PLPPR5: variants seen among roughly 807,000 people sequenced by gnomAD.
The protein encoded by PLPPR5 is phospholipid phosphatase-related protein type 5.
In PLPPR5, 16 loss-of-function variants were observed where a neutral mutation model predicts 33.9. The ratio of observed to expected loss-of-function variants is 0.47; its 90% CI spans 0.32 to 0.72. PLPPR5 has a LOEUF of 0.72. Ranked by LOEUF, PLPPR5 falls within the 30% of genes least tolerant of loss-of-function variation. PLPPR5 has a pLI of 0.03. For missense variants in PLPPR5, 301 were observed against 406.7 expected (o/e 0.74, Z 2.23); for synonymous variants, 163 against 150.3 (o/e 1.08, Z -0.62).
At chr1:98,994,170 G>C (rs1652550560) in intron 1 of PLPPR5, among the ~76,000 whole-genome samples, 1 of 151,692 alleles carries the variant, frequency 6.6e-6, no homozygotes, top group Non-Finnish European at 1.5e-5. Context: ...TATTTGTCTG[G>C]AGAAAGGAAG....
chr1:98,986,725 C>A (rs1467364582), intron 1 of PLPPR5, among the ~76,000 whole-genome samples: 6 of 151,774 alleles, frequency 4.0e-5, no homozygotes, highest in Admixed American at 1.3e-4. Flanking sequence ...GAAGGTAACT[C>A]TTTATGTTTT....
At chr1:98,993,923 A>T (rs992710592) in intron 1 of PLPPR5, among the ~76,000 whole-genome samples, 1 of 152,068 alleles carries the variant, frequency 6.6e-6, no homozygotes, top group Non-Finnish European at 1.5e-5. Context: ...CACAAATTCA[A>T]TTTTCCTTAG....
intron 1 of PLPPR5, among the ~76,000 whole-genome samples, chr1:98,987,481 G>T (rs2100757515): frequency 6.6e-6 from 1 of 151,900 alleles, no homozygotes; most frequent in African/African-American, 2.4e-5. Flanking sequence ...TATGAGTTGT[G>T]CCATTATCAT....
intron 1 of PLPPR5, among the ~76,000 whole-genome samples, chr1:98,993,377 C>A (rs1056956116): frequency 8.6e-5 from 13 of 151,744 alleles, no homozygotes; most frequent in Non-Finnish European, 8.8e-5. Flanking sequence ...TATCTGTATT[C>A]TAGATTTAGC....
chr1:98,943,159 A>G (rs1478464303), intron 3 of PLPPR5, among the ~76,000 whole-genome samples: 1 of 152,178 alleles, frequency 6.6e-6, no homozygotes, highest in Admixed American at 6.5e-5. Flanking sequence ...TATCATCCCA[A>G]GAAAATGGGA....
intron 1 of PLPPR5, among the ~76,000 whole-genome samples, chr1:98,976,700 CTTA>C (rs1651872620): frequency 6.6e-6 from 1 of 151,866 alleles, no homozygotes; most frequent in African/African-American, 2.4e-5. Context: ...AAAACGATAA[CTTA>C]TTAATAAAAA....
At chr1:98,929,001 A>G (rs1021244424) in intron 3 of PLPPR5, among the ~76,000 whole-genome samples, 3 of 152,020 alleles carry the variant, frequency 2.0e-5, no homozygotes, top group African/African-American at 7.2e-5. Context: ...GTTGTTTTGT[A>G]TTTTATTGAT....
chr1:98,936,578 T>C (rs760336450), intron 3 of PLPPR5, among the ~76,000 whole-genome samples: 1 of 152,198 alleles, frequency 6.6e-6, no homozygotes, highest in Non-Finnish European at 1.5e-5. Flanking sequence ...GCTTAAAAGT[T>C]TTCCCAGTTG....
Position 98,913,150 on chromosome 1 carries a change from C to A in PLPPR5, c.933+1636G>T, listed in dbSNP as rs78455860. On this transcript the variant is annotated intron_variant, in intron 5 of 5. Transcript: ENST00000263177. ...ATCTCATCCCTCTGTCATACAAGAG[C>A]CCTTCAGATTCTTATGGGAAGCTAT... Among the ~76,000 whole-genome samples the A allele has an allele frequency of 6.7e-3, 1,025 of 152,292 alleles. 12 individuals carry two copies. The highest frequency in any genetic ancestry group is 0.024 in the African/African-American group (985 of 41,568).
chr1:98,926,004 G>A (rs12140245), intron 3 of PLPPR5, among the ~76,000 whole-genome samples: 76,578 of 152,090 alleles, frequency 0.5, 20,067 homozygotes, highest in East Asian at 0.76. Flanking sequence ...AGCTTTTGGA[G>A]AACCTTTTTC....
chr1:98,961,640 G>C (rs1360077377), intron 1 of PLPPR5, among the ~76,000 whole-genome samples: 1 of 152,054 alleles, frequency 6.6e-6, no homozygotes, highest in Non-Finnish European at 1.5e-5. Context: ...CCTAAGCTTA[G>C]CACAGTACTA....
chr1:98,899,933 ATGCACTT>A (rs1648630058), intron 5 of PLPPR5, among the ~76,000 whole-genome samples: 1 of 152,246 alleles, frequency 6.6e-6, no homozygotes, highest in East Asian at 1.9e-4. Flanking sequence ...ATGGGTATCC[ATGCACTT>A]TGTCTTCTAA....
chr1:98,951,742 T>A (rs985569706), intron 3 of PLPPR5, among the ~76,000 whole-genome samples: 2 of 152,230 alleles, frequency 1.3e-5, no homozygotes, highest in South Asian at 4.1e-4. Context: ...AGGTATTCCA[T>A]ATATTCTTTC....
intron 5 of PLPPR5, among the ~76,000 whole-genome samples, chr1:98,894,393 A>G (rs148692505): frequency 6.6e-5 from 10 of 152,216 alleles, no homozygotes; most frequent in Middle Eastern, 6.8e-3. Context: ...GAATTAAAAC[A>G]ATAAGAACTG....
At chr1:98,935,369 T>C (rs1296319061) in intron 3 of PLPPR5, among the ~76,000 whole-genome samples, 1 of 152,160 alleles carries the variant, frequency 6.6e-6, no homozygotes, top group Non-Finnish European at 1.5e-5. Context: ...TAAGCCATAA[T>C]GAGGGCCTGA....
At chr1:98,974,584 G>A (rs527529839) in intron 1 of PLPPR5, among the ~76,000 whole-genome samples, 8 of 152,074 alleles carry the variant, frequency 5.3e-5, no homozygotes, top group African/African-American at 1.9e-4. Flanking sequence ...CTCTCTTCAC[G>A]AAGTCATAGG....
At chr1:98,930,284 T>C (rs1372139072) in intron 3 of PLPPR5, among the ~76,000 whole-genome samples, 2 of 152,220 alleles carry the variant, frequency 1.3e-5, no homozygotes, top group African/African-American at 2.4e-5. Context: ...TATCTCTGAA[T>C]AGTCCTTAAA....
At chr1:98,964,309 G>C (rs763074415) in intron 1 of PLPPR5, among the ~76,000 whole-genome samples, 1 of 152,130 alleles carries the variant, frequency 6.6e-6, no homozygotes, top group Non-Finnish European at 1.5e-5. Context: ...AAGCAGCAGG[G>C]CCCCTCCTGC....
chr1:98,915,487 C>G (rs1649311089), intron 4 of PLPPR5, among the ~76,000 whole-genome samples: 1 of 151,964 alleles, frequency 6.6e-6, no homozygotes, highest in South Asian at 2.1e-4. Flanking sequence ...AGAAAACCCT[C>G]CGCATAAAAC....
Sources: allele counts gnomAD v4.1 joint callset (sites outside exome capture counted in the v4.1 genomes callset), GRCh38; gene constraint gnomAD v4.1.1; transcripts MANE v1.5; gene names NCBI Gene and HGNC (gene_info 2026-07-23, HGNC 2026-07-21).